SLC37A1: variants seen among roughly 807,000 people sequenced by gnomAD.
SLC37A1 encodes the protein glucose-6-phosphate exchanger SLC37A1.
SLC37A1 carries 49 observed loss-of-function variants against 75.3 expected under a neutral mutation model. That is an observed-to-expected ratio of 0.65 (90% CI 0.52 to 0.83). The LOEUF (loss-of-function observed/expected upper bound fraction) is 0.83. Ranked by LOEUF, SLC37A1 falls within the 40% of genes least tolerant of loss-of-function variation. SLC37A1 has a pLI of 0.00. For synonymous variants in SLC37A1, 268 were observed against 292.1 expected, an observed-to-expected ratio of 0.92 and a Z score of 0.84; for missense variants, 566 against 695.0, an observed-to-expected ratio of 0.81 and a Z score of 2.09.
intron 19 of SLC37A1, 103 bp downstream of exon 19, chr21:42,579,903 G>T: frequency 9.0e-7 from 1 of 1,106,798 alleles, no homozygotes; most frequent in Non-Finnish European, 1.3e-6. Flanking sequence ...GAAAGAAAAC[G>T]CGTGGCTTAT....
Position 42,554,067 on chromosome 21 carries a change from A to C in SLC37A1, c.774A>C (p.Ser258=). The change falls in exon 10 of 20, where the codon TCA becomes TCC. Residue 258 remains serine, a synonymous_variant. Transcript: ENST00000352133. The stretch of plus-strand genomic sequence containing the variant: ...GAAACTTTTTTTTTTACCAGCACTC[A>C]AAAGGCTATGAGAATGGTACAAACA... ...VRCSSTLVTH[S]KGYENGTNRL... 1 of 1,608,172 alleles carries C rather than the reference A, an allele frequency of 6.2e-7. No individual in the cohort carries two copies. The highest frequency in any genetic ancestry group is 8.5e-7 in the Non-Finnish European group (1 of 1,177,446).
chr21:42,518,306 A>G lies in SLC37A1; in HGVS notation c.-149A>G, dbSNP rs2054562070. 2 of 910,680 alleles carry G rather than the reference A, an allele frequency of 2.2e-6. No individual in the cohort carries two copies. The highest frequency in any genetic ancestry group is 2.0e-5 in the Admixed American group (1 of 51,100). The allele number at this position is 910,680 out of a possible 1,614,324, so 56.4% of individuals were successfully genotyped here. ...CAGAGCCACTGCCAGAAGGAAGGGGACAAGACCCAGCAGGACACCTTCTTT... is the reference window on the plus strand; with the variant it reads ...CAGAGCCACTGCCAGAAGGAAGGGGGCAAGACCCAGCAGGACACCTTCTTT... On this transcript the variant is annotated 5_prime_UTR_variant, in exon 2 of 20. Transcript: ENST00000352133.
intron 2 of SLC37A1, among the ~76,000 whole-genome samples, chr21:42,503,953 T>A (rs1372406410): frequency 1.3e-5 from 2 of 152,062 alleles, no homozygotes; most frequent in Non-Finnish European, 2.9e-5. Flanking sequence ...CACATCCGGG[T>A]GGTACTAGAA....
chr21:42,526,807 T>TG (rs2054807905), intron 3 of SLC37A1, among the ~76,000 whole-genome samples: 2 of 152,120 alleles, frequency 1.3e-5, no homozygotes, highest in Non-Finnish European at 2.9e-5. Flanking sequence ...TTGTTGACTG[T>TG]GGAAAACGTT....
intron 16 of SLC37A1, among the ~76,000 whole-genome samples, chr21:42,567,457 G>A (rs939327122): frequency 3.3e-5 from 5 of 152,182 alleles, no homozygotes; most frequent in African/African-American, 7.2e-5. Flanking sequence ...TGTATTGGAC[G>A]TGTCCTGAAA....
intron 2 of SLC37A1, among the ~76,000 whole-genome samples, chr21:42,506,023 A>G (rs1011135258): frequency 3.3e-5 from 5 of 152,322 alleles, no homozygotes; most frequent in African/African-American, 7.2e-5. Context: ...AATAAGGCTA[A>G]TGTTGTTGAA....
At chr21:42,558,874 T>C (rs1165626005) in intron 10 of SLC37A1, 84 bp from the exon 11 acceptor site, 3 of 1,579,738 alleles carry the variant, frequency 1.9e-6, no homozygotes, top group African/African-American at 2.7e-5. Context: ...GGCACCCTCG[T>C]CATTAGGAAG....
rs192838126 is a variant in SLC37A1, at chr21:42,575,118, C to T, written c.1521+203C>T. On this transcript the variant is annotated intron_variant, in intron 18 of 19. Coordinates refer to ENST00000352133, the MANE Select transcript of SLC37A1 (RefSeq NM_001320537.2). ...GAAACAGAAGCAGGACAGTCTTGCT[C>T]TGCAGCCTTGGGCGGGATAGCACAA... 6.1e-3 allele frequency: 6,043 copies of T among 985,502 alleles called. 19 individuals are homozygous for T. The highest frequency in any genetic ancestry group is 7.0e-3 in the Non-Finnish European group (5,810 of 829,950). 61.0% of individuals were successfully genotyped at this position (985,502 alleles called of 1,614,324 possible). A position where few individuals can be genotyped will look rare whatever the true frequency, so the allele number is the denominator to read the frequency against.
At position 42,567,052 on chromosome 21, in the gene SLC37A1, C is replaced by A; in HGVS notation, c.1338C>A (p.Ala446=). 6.2e-7 allele frequency: 1 copy of A among 1,609,350 alleles called. No individual in the cohort carries two copies. Among genetic ancestry groups the A allele is most frequent in the Non-Finnish European group, 8.5e-7 (1 of 1,179,862 alleles). Reference sequence around the variant, plus strand: ...CACTCATCACCACCGCCGTCTCCGCCGACCTGGTGAGTAGAACCGGGAGAG... The same window carrying A: ...CACTCATCACCACCGCCGTCTCCGCAGACCTGGTGAGTAGAACCGGGAGAG... ...PYTLITTAVS[A]DLGTHKSLKG... is the part of the protein sequence containing the mutation. The change falls in exon 16 of 20, where the codon GCC becomes GCA. Residue 446 remains alanine (A), a synonymous_variant. Coordinates refer to ENST00000352133, the MANE Select transcript of SLC37A1 (RefSeq NM_001320537.2).
intron 11 of SLC37A1, among the ~76,000 whole-genome samples, chr21:42,559,555 G>A (rs2055774398): frequency 1.3e-5 from 2 of 152,334 alleles, no homozygotes; most frequent in South Asian, 4.1e-4. Context: ...TGGCCTTCGC[G>A]AGCCCGGCTG....
rs1465196428 is a variant in SLC37A1 at position 42,552,969 on chromosome 21, A to AT, written c.769-1092dup. Among the ~76,000 whole-genome samples, 1 of 152,236 alleles carries AT rather than the reference A, an allele frequency of 6.6e-6. No homozygotes were observed. Among genetic ancestry groups the AT allele is most frequent in the East Asian group, 1.9e-4 (1 of 5,200 alleles). On this transcript the variant is annotated intron_variant, in intron 9 of 19. Coordinates refer to ENST00000352133, the MANE Select transcript of SLC37A1 (RefSeq NM_001320537.2). The surrounding 1 kb of genome is among the most constrained non-coding windows in gnomAD (Gnocchi z 4.2). The stretch of plus-strand genomic sequence containing the variant: ...TGCCCTCCCTCTGAGCACAAAACAA[A>AT]TGTATTTTTAAAGGTGTTTTGTTAC...
chr21:42,545,597 G>A lies in SLC37A1; in HGVS notation c.731-1506G>A, dbSNP rs1178392168. On this transcript the variant is annotated intron_variant, in intron 8 of 19. Transcript: ENST00000352133. This position sits in a 1 kb window ranked among gnomAD's most constrained non-coding sequence, Gnocchi z 4.0. Reference sequence around the variant, plus strand: ...GGCCTCTCTGAGTCTCCTTTCTGAAGCTGTTCTCAAATGTGTCCCAGCCAA... The same window carrying A: ...GGCCTCTCTGAGTCTCCTTTCTGAAACTGTTCTCAAATGTGTCCCAGCCAA... 6.6e-6 allele frequency among the ~76,000 whole-genome samples: 1 copy of A among 152,210 alleles called. No homozygotes were observed. Among genetic ancestry groups the A allele is most frequent in the Non-Finnish European group, 1.5e-5 (1 of 68,042 alleles).
chr21:42,528,837 T>C (rs983870595), intron 3 of SLC37A1, among the ~76,000 whole-genome samples: 3 of 151,758 alleles, frequency 2.0e-5, no homozygotes, highest in African/African-American at 7.3e-5. Context: ...TAAAAAAAAA[T>C]GAAATAAAAT....
chr21:42,519,690 T>TC (rs1242523790), intron 2 of SLC37A1, among the ~76,000 whole-genome samples: 2 of 152,230 alleles, frequency 1.3e-5, no homozygotes, highest in Admixed American at 6.5e-5. Context: ...CCACAGGGTG[T>TC]CTCAGGTTTG....
rs2055582042 is a variant in SLC37A1, at chr21:42,552,481, C to G, written c.769-1581C>G. ...ACTCCTCTTGTCTTTTCGTTCTTCC[C>G]CTGTGCATGGCTTCATGCCAAAGGT... On this transcript the variant is annotated intron_variant, in intron 9 of 19. Transcript: ENST00000352133. The surrounding 1 kb of genome is among the most constrained non-coding windows in gnomAD (Gnocchi z 4.2). Among the ~76,000 whole-genome samples the G allele has an allele frequency of 6.6e-6, 1 of 152,174 alleles. No homozygotes were observed. Among genetic ancestry groups the G allele is most frequent in the Non-Finnish European group, 1.5e-5 (1 of 68,024 alleles).
chr21:42,575,329 G>A, intron 18 of SLC37A1: 1 of 985,498 alleles, frequency 1.0e-6, no homozygotes, highest in Non-Finnish European at 1.2e-6. Flanking sequence ...TGGCCTCCCA[G>A]TGGTCATCAG....
chr21:42,529,009 ATAATCT>A (rs1160498045), intron 3 of SLC37A1, among the ~76,000 whole-genome samples: 1 of 152,194 alleles, frequency 6.6e-6, no homozygotes, highest in Non-Finnish European at 1.5e-5. Flanking sequence ...ATTGAATAAA[ATAATCT>A]TAAAGTTTGT....
At position 42,563,842 on chromosome 21, in the gene SLC37A1, A is replaced by T. The variant is rs1194233382; in HGVS notation, c.1100A>T (p.Glu367Val). ...VDHLDAKKAG[E>V]LSTLFDVGGI... ...CACCTTGATGCCAAAAAGGCGGGGGAGCTCTCCACCCTGTTTGACGTGGGC... is the reference window on the plus strand; with the variant it reads ...CACCTTGATGCCAAAAAGGCGGGGGTGCTCTCCACCCTGTTTGACGTGGGC... Residue 367 changes from glutamate to valine, a missense_variant, in exon 13 of 20, where the codon GAG (glutamate) becomes GTG (valine). Transcript: ENST00000352133. 6.2e-7 allele frequency: 1 copy of T among 1,613,838 alleles called. No individual in the cohort carries two copies. Among genetic ancestry groups the T allele is most frequent in the Non-Finnish European group, 8.5e-7 (1 of 1,179,988 alleles).
chr21:42,568,296 A>C, intron 16 of SLC37A1, 64 bp from the exon 17 acceptor site: 2 of 1,326,876 alleles, frequency 1.5e-6, no homozygotes, highest in Non-Finnish European at 2.2e-6. Context: ...ATGGTCATAC[A>C]GAGGCTTAGG....
Sources: gnomAD v4.1 joint callset for allele counts (sites outside exome capture counted in the v4.1 genomes callset) on GRCh38, gnomAD v4.1.1 for gene constraint, Gnocchi (gnomAD v3.1) non-coding constraint, MANE v1.5 for transcripts, NCBI Gene and HGNC (gene_info 2026-07-23, HGNC 2026-07-21) for gene names.